TMEM163: variants seen among roughly 807,000 people sequenced by gnomAD.
The protein encoded by TMEM163 is transmembrane protein 163.
A neutral mutation model predicts 29.3 loss-of-function variants in TMEM163; 17 were observed. The ratio of observed to expected loss-of-function variants is 0.58; its 90% confidence interval spans 0.40 to 0.87. The LOEUF is 0.87. Ranked by LOEUF, TMEM163 falls within the 40% of genes least tolerant of loss-of-function variation. The pLI, the probability that TMEM163 is intolerant of heterozygous loss-of-function variation, is 0.00. For missense variants in TMEM163, 303 were observed against 381.5 expected (o/e 0.79, Z 1.71); for synonymous variants, 157 against 160.6 (o/e 0.98, Z 0.17).
intron 4 of TMEM163, among the ~76,000 whole-genome samples, chr2:134,545,650 G>C (rs1680763676): frequency 6.6e-6 from 1 of 152,024 alleles, no homozygotes; most frequent in Non-Finnish European, 1.5e-5. Context: ...ACACATTCCT[G>C]GTAACTTAAA....
chr2:134,514,114 G>A (rs1453390829), intron 4 of TMEM163, among the ~76,000 whole-genome samples: 1 of 152,194 alleles, frequency 6.6e-6, no homozygotes, highest in Non-Finnish European at 1.5e-5. Context: ...GGGACAAGAC[G>A]CCACCTCTTG....
At position 134,458,154 on chromosome 2, in the gene TMEM163, A is replaced by C; in HGVS notation, c.687T>G (p.Gly229=). 6.2e-7 allele frequency: 1 copy of C among 1,614,130 alleles called. No homozygotes were observed. The highest frequency in any genetic ancestry group is 2.2e-5 in the East Asian group (1 of 44,878). The part of the protein sequence containing the change: ...LITDGFNSLV[G]GVMGFSILLS... ...GAAGAATGGAGAAGCCCATCACGCC[A>C]CCCACGAGGGAGTTAAACCCTGCAA... is the stretch of plus-strand genomic sequence containing the variant. Residue 229 remains glycine (G), a synonymous_variant, in exon 7 of 8, where the codon GGT becomes GGG. Coordinates refer to ENST00000281924, the MANE Select transcript of TMEM163 (RefSeq NM_030923.5).
chr2:134,694,939 G>T (rs1341023243), intron 2 of TMEM163, among the ~76,000 whole-genome samples: 7 of 151,928 alleles, frequency 4.6e-5, no homozygotes, highest in Admixed American at 4.6e-4. Flanking sequence ...CAAACTCCAC[G>T]GTTTTCTGGA....
chr2:134,696,547 C>A (rs1684586491), intron 2 of TMEM163, among the ~76,000 whole-genome samples: 1 of 152,124 alleles, frequency 6.6e-6, no homozygotes, highest in South Asian at 2.1e-4. Context: ...TCTCTCTATT[C>A]AGATCTTATT....
intron 2 of TMEM163, among the ~76,000 whole-genome samples, chr2:134,590,502 G>A (rs1208849459): frequency 1.3e-5 from 2 of 152,168 alleles, no homozygotes; most frequent in Non-Finnish European, 2.9e-5. Flanking sequence ...GATGTTACCA[G>A]AAAGGGGGTC....
At chr2:134,697,136 G>A (rs1475545346) in intron 2 of TMEM163, among the ~76,000 whole-genome samples, 1 of 152,026 alleles carries the variant, frequency 6.6e-6, no homozygotes, top group Non-Finnish European at 1.5e-5. Context: ...TATCTATAAA[G>A]CTCTATGTAA....
chr2:134,512,102 C>T lies in TMEM163; in HGVS notation c.459-9105G>A, dbSNP rs113191228. On this transcript the variant is annotated intron_variant, in intron 4 of 7. Coordinates refer to ENST00000281924, the MANE Select transcript of TMEM163 (RefSeq NM_030923.5). Reference sequence around the variant, plus strand: ...AAATAAACCTGCTGTGCATTAGCTACGAGGACAAAACATGGCCCTTTTCCT... The same window carrying T: ...AAATAAACCTGCTGTGCATTAGCTATGAGGACAAAACATGGCCCTTTTCCT... Among the ~76,000 whole-genome samples, 87 of 152,270 alleles carry T rather than the reference C, an allele frequency of 5.7e-4. 1 individual carries two copies. Among genetic ancestry groups the T allele is most frequent in the African/African-American group, 1.9e-3 (80 of 41,556 alleles).
At chr2:134,607,726 G>A (rs1682405794) in intron 2 of TMEM163, among the ~76,000 whole-genome samples, 2 of 79,340 alleles carry the variant, frequency 2.5e-5, no homozygotes, top group African/African-American at 5.0e-5. Context: ...GAACTGTGCT[G>A]GTGAAAAGGA....
intron 5 of TMEM163, among the ~76,000 whole-genome samples, chr2:134,472,378 CAT>C (rs1362286817): frequency 6.6e-6 from 1 of 152,124 alleles, no homozygotes; most frequent in African/African-American, 2.4e-5. Context: ...AAATTTTAAA[CAT>C]ATGAAAAAGG....
chr2:134,476,859 G>A (rs1686928431), intron 5 of TMEM163, among the ~76,000 whole-genome samples: 1 of 152,062 alleles, frequency 6.6e-6, no homozygotes, highest in Non-Finnish European at 1.5e-5. Flanking sequence ...CAGAAGCCTG[G>A]GTTCTACATG....
At chr2:134,679,429 G>A (rs575880284) in intron 2 of TMEM163, among the ~76,000 whole-genome samples, 1 of 152,196 alleles carries the variant, frequency 6.6e-6, no homozygotes, top group South Asian at 2.1e-4. Flanking sequence ...GTAGGTGACA[G>A]ATATATGTCA....
chr2:134,691,938 G>A (rs892678080), intron 2 of TMEM163, among the ~76,000 whole-genome samples: 4 of 152,166 alleles, frequency 2.6e-5, no homozygotes, highest in Non-Finnish European at 5.9e-5. Flanking sequence ...TTGAGGCAGG[G>A]GCTGCAGTGG....
intron 2 of TMEM163, among the ~76,000 whole-genome samples, chr2:134,639,734 C>A (rs916935840): frequency 3.9e-5 from 6 of 152,218 alleles, no homozygotes; most frequent in African/African-American, 1.2e-4. Context: ...ACATACCACT[C>A]TTTCCGAGGC....
intron 2 of TMEM163, among the ~76,000 whole-genome samples, chr2:134,647,784 T>C (rs1370612993): frequency 1.3e-5 from 2 of 152,172 alleles, no homozygotes; most frequent in East Asian, 3.9e-4. Flanking sequence ...ACTCCACTCA[T>C]TCAGTCCCAC....
chr2:134,482,359 G>C (rs1254776480), intron 5 of TMEM163, among the ~76,000 whole-genome samples: 1 of 152,174 alleles, frequency 6.6e-6, no homozygotes, highest in Admixed American at 6.5e-5. Flanking sequence ...ACTGAGCAGA[G>C]ACCATGTCTG....
chr2:134,499,320 A>G (rs892407442), intron 5 of TMEM163, among the ~76,000 whole-genome samples: 5 of 152,218 alleles, frequency 3.3e-5, no homozygotes, highest in Non-Finnish European at 4.4e-5. Flanking sequence ...GCCTATTGGT[A>G]AAAGGAAAGC....
intron 2 of TMEM163, among the ~76,000 whole-genome samples, chr2:134,584,401 T>C (rs79867154): frequency 0.021 from 3,136 of 152,160 alleles, 53 homozygotes; most frequent in Non-Finnish European, 0.028. Context: ...TGCACTAAGA[T>C]CCTACAAGGC....
chr2:134,667,972 C>A (rs1040680375), intron 2 of TMEM163, among the ~76,000 whole-genome samples: 3 of 152,158 alleles, frequency 2.0e-5, no homozygotes, highest in Non-Finnish European at 4.4e-5. Context: ...CAAGCACTGG[C>A]CCAGCTGCTG....
At chr2:134,647,352 ACT>A (rs1683357018) in intron 2 of TMEM163, among the ~76,000 whole-genome samples, 1 of 152,038 alleles carries the variant, frequency 6.6e-6, no homozygotes, top group Non-Finnish European at 1.5e-5. Flanking sequence ...AAAGAGGAAG[ACT>A]CTTAGTTTCC....
Sources: allele counts gnomAD v4.1 joint callset (sites outside exome capture counted in the v4.1 genomes callset), GRCh38; gene constraint gnomAD v4.1.1; transcripts MANE v1.5; gene names NCBI Gene and HGNC (gene_info 2026-07-23, HGNC 2026-07-21).